Variants in PAM observed in about 807,000 individuals in gnomAD.
The protein encoded by PAM is peptidylglycine alpha-amidating monooxygenase.
In PAM, 72 loss-of-function variants were observed where a neutral mutation model predicts 122.1. That is an observed-to-expected ratio of 0.59 (90% CI 0.49 to 0.72). The LOEUF is 0.72. Ranked by LOEUF, PAM falls within the 30% of genes least tolerant of loss-of-function variation. The probability of loss-of-function intolerance (pLI) is 0.00; values close to 1 mark genes in which losing one functional copy is unlikely to be tolerated. For missense variants in PAM, 1,106 were observed against 1,183.7 expected, an observed-to-expected ratio of 0.93 and a Z score of 0.96; for synonymous variants, 389 against 404.4, an observed-to-expected ratio of 0.96 and a Z score of 0.46.
chr5:102,814,914 T>G (rs1350103905), intron 1 of PAM, among the ~76,000 whole-genome samples: 1 of 151,964 alleles, frequency 6.6e-6, no homozygotes, highest in Non-Finnish European at 1.5e-5. Flanking sequence ...AGTTTTCCCC[T>G]CTTTCTTATA....
intron 1 of PAM, among the ~76,000 whole-genome samples, chr5:102,797,758 G>A (rs551942093): frequency 6.6e-5 from 10 of 152,182 alleles, no homozygotes; most frequent in Non-Finnish European, 1.2e-4. Flanking sequence ...AATAGTATCA[G>A]GTCAAATGTA....
At chr5:102,858,544 T>G (rs761931934) in intron 1 of PAM, among the ~76,000 whole-genome samples, 1 of 152,246 alleles carries the variant, frequency 6.6e-6, no homozygotes, top group Admixed American at 6.5e-5. Flanking sequence ...ACATTTAGTT[T>G]GTAATGTTCT....
chr5:102,914,109 G>A, intron 5 of PAM, 88 bp downstream of exon 5: 2 of 733,738 alleles, frequency 2.7e-6, no homozygotes, highest in Non-Finnish European at 5.0e-6. Flanking sequence ...TTTACAACTA[G>A]TTAATAAATA....
chr5:102,915,772 T>C (rs1802919902), intron 5 of PAM, among the ~76,000 whole-genome samples: 1 of 152,114 alleles, frequency 6.6e-6, no homozygotes, highest in African/African-American at 2.4e-5. Context: ...AACACTTAAA[T>C]GCTATTCCAG....
intron 1 of PAM, among the ~76,000 whole-genome samples, chr5:102,829,693 G>A (rs1339490258): frequency 6.6e-6 from 1 of 151,984 alleles, no homozygotes; most frequent in Non-Finnish European, 1.5e-5. Context: ...AGTTTTTTGT[G>A]GTTAGAAAAT....
At chr5:102,976,404 A>G (rs1767684222) in intron 15 of PAM, among the ~76,000 whole-genome samples, 1 of 150,022 alleles carries the variant, frequency 6.7e-6, no homozygotes, top group Admixed American at 6.6e-5. Flanking sequence ...GGAAGCTTCC[A>G]TTTTGTAAAA....
In PAM at chr5:102,931,482, T is replaced by C. The variant is rs570616471; in HGVS notation, c.526+4814T>C. Among the ~76,000 whole-genome samples the C allele has an allele frequency of 8.3e-4, 126 of 152,338 alleles. 1 individual carries two copies. Among genetic ancestry groups the C allele is most frequent in the African/African-American group, 2.8e-3 (117 of 41,576 alleles). ...TCTTGTTCCGAAGTGAAAATTCTCC[T>C]GAGATTGTTGCTGAATGCTGCCACA... On this transcript the variant is annotated intron_variant, in intron 7 of 25. Coordinates refer to ENST00000438793, the MANE Select transcript of PAM (RefSeq NM_001177306.2).
intron 4 of PAM, among the ~76,000 whole-genome samples, chr5:102,908,672 C>G (rs1199145905): frequency 6.6e-6 from 1 of 150,998 alleles, no homozygotes; most frequent in African/African-American, 2.4e-5. Context: ...ACATATGTAA[C>G]TAACCTGCAC....
chr5:103,018,921 C>T (rs1350506467), intron 22 of PAM, among the ~76,000 whole-genome samples: 1 of 152,122 alleles, frequency 6.6e-6, no homozygotes, highest in Non-Finnish European at 1.5e-5. Flanking sequence ...AACCTAGATC[C>T]CTTGCATGCG....
At chr5:102,761,977 G>T (rs890357431) in intron 1 of PAM, among the ~76,000 whole-genome samples, 6 of 152,186 alleles carry the variant, frequency 3.9e-5, no homozygotes, top group African/African-American at 1.2e-4. Flanking sequence ...TGCTATTAGG[G>T]TTTGTATAAA....
intron 6 of PAM, among the ~76,000 whole-genome samples, chr5:102,926,090 T>C (rs929834579): frequency 1.3e-5 from 2 of 150,540 alleles, no homozygotes; most frequent in African/African-American, 2.4e-5. Flanking sequence ...GGTTTATGTA[T>C]GTCTTTTTTT....
At chr5:102,891,002 C>A (rs949473890) in intron 3 of PAM, among the ~76,000 whole-genome samples, 22 of 151,780 alleles carry the variant, frequency 1.4e-4, no homozygotes, top group African/African-American at 5.3e-4. Context: ...ATGGAAGTTG[C>A]AAAATTGCAG....
At chr5:102,755,300 C>G (rs1201650792), upstream of PAM, 1 of 152,482 alleles carries the variant, frequency 6.6e-6, no homozygotes, top group Non-Finnish European at 1.5e-5. Context: ...GCCGCTCCGC[C>G]GCCCGCAGGC....
At chr5:102,830,386 C>T (rs1272494676) in intron 1 of PAM, among the ~76,000 whole-genome samples, 1 of 152,144 alleles carries the variant, frequency 6.6e-6, no homozygotes, top group Non-Finnish European at 1.5e-5. Flanking sequence ...TACTGAATCT[C>T]ACTACTTTAT....
chr5:102,961,845 T>TA (rs1762595299), intron 14 of PAM, among the ~76,000 whole-genome samples: 1 of 151,968 alleles, frequency 6.6e-6, no homozygotes, highest in Admixed American at 6.6e-5. Flanking sequence ...ACTAAAAAAT[T>TA]ACTTCCCTGA....
chr5:102,897,225 C>T (rs560969412), intron 3 of PAM, among the ~76,000 whole-genome samples: 9 of 151,576 alleles, frequency 5.9e-5, no homozygotes, highest in Non-Finnish European at 1.2e-4. Context: ...TATGTGGAAA[C>T]GTAGGACTTT....
chr5:102,861,788 A>C (rs1280877637), intron 1 of PAM, among the ~76,000 whole-genome samples: 1 of 152,166 alleles, frequency 6.6e-6, no homozygotes, highest in East Asian at 1.9e-4. Flanking sequence ...ATTACGGAAA[A>C]AAGTTATTTG....
intron 1 of PAM, among the ~76,000 whole-genome samples, chr5:102,793,161 G>A (rs745869620): frequency 3.3e-5 from 5 of 152,090 alleles, no homozygotes; most frequent in Non-Finnish European, 5.9e-5. Flanking sequence ...AAGATTCTTT[G>A]CGTTTAAAAT....
At chr5:103,024,207 C>G (rs1385431230) in intron 23 of PAM, among the ~76,000 whole-genome samples, 2 of 152,098 alleles carry the variant, frequency 1.3e-5, no homozygotes, top group Non-Finnish European at 1.5e-5. Context: ...ACTAGAGTTT[C>G]TATACAAATA....
Sources: allele counts gnomAD v4.1 joint callset (sites outside exome capture counted in the v4.1 genomes callset), GRCh38; gene constraint gnomAD v4.1.1; transcripts MANE v1.5; gene names NCBI Gene and HGNC (gene_info 2026-07-23, HGNC 2026-07-21).